DNAH11: variants seen among roughly 807,000 people sequenced by gnomAD.
DNAH11 encodes the protein dynein axonemal heavy chain 11.
Under a neutral mutation model 526.0 loss-of-function variants are expected in DNAH11, and 442 were observed. The observed-to-expected ratio is 0.84, with a 90% CI of 0.78 to 0.91. The LOEUF (loss-of-function observed/expected upper bound fraction) is 0.91, where lower values mean the gene tolerates loss of function less well. DNAH11 is among the 40% of genes least tolerant of loss of function. The pLI is 0.00. For synonymous variants in DNAH11, 2,461 were observed against 1,935.9 expected, an observed-to-expected ratio of 1.27 and a Z score of -7.12; for missense variants, 6,989 against 5,448.7, an observed-to-expected ratio of 1.28 and a Z score of -8.90.
chr7:21,754,914 A>G (rs548811797), intron 54 of DNAH11, among the ~76,000 whole-genome samples: 2 of 152,304 alleles, frequency 1.3e-5, no homozygotes, highest in South Asian at 2.1e-4. Context: ...AAGAATTCCA[A>G]ATTGCTCTAT....
chr7:21,777,999 T>G (rs545625700), intron 56 of DNAH11, among the ~76,000 whole-genome samples: 1 of 152,332 alleles, frequency 6.6e-6, no homozygotes, highest in South Asian at 2.1e-4. Flanking sequence ...AATGGTAATA[T>G]TTATACTTTT....
At chr7:21,720,905 C>T in intron 44 of DNAH11, 49 bp downstream of exon 44, 1 of 1,596,034 alleles carries the variant, frequency 6.3e-7, no homozygotes, top group South Asian at 1.1e-5. Context: ...TTGTGTGGGA[C>T]AGGGTCATGG....
intron 12 of DNAH11, among the ~76,000 whole-genome samples, chr7:21,590,474 C>G (rs1784631555): frequency 1.3e-5 from 2 of 152,170 alleles, no homozygotes; most frequent in Non-Finnish European, 2.9e-5. Context: ...TACCTGGAGT[C>G]TCTCATGGCA....
At chr7:21,836,872 A>G (rs765015225) in intron 65 of DNAH11, among the ~76,000 whole-genome samples, 1 of 152,170 alleles carries the variant, frequency 6.6e-6, no homozygotes, top group Non-Finnish European at 1.5e-5. Context: ...AATATCTAGA[A>G]TATATAAGGA....
At position 21,850,407 on chromosome 7, in the gene DNAH11, C is replaced by T. The variant is rs752729574; in HGVS notation, c.10897-2060C>T. ...GAAAAAAAATTCTTCATTTTTGTTA[C>T]GTTGTTTTTTATGTCTAGCATTTCC... is the stretch of plus-strand genomic sequence containing the variant. On this transcript the variant is annotated intron_variant, in intron 66 of 81. Transcript: ENST00000409508. Among the ~76,000 whole-genome samples, 28 of 150,752 alleles carry T rather than the reference C, an allele frequency of 1.9e-4. 1 individual carries two copies. Among genetic ancestry groups the T allele is most frequent in the Middle Eastern group, 3.4e-3 (1 of 290 alleles).
intron 25 of DNAH11, among the ~76,000 whole-genome samples, chr7:21,623,815 T>A (rs1183958017): frequency 1.3e-5 from 1 of 75,404 alleles, no homozygotes; most frequent in Non-Finnish European, 2.6e-5. Context: ...GGGACTGTTG[T>A]GGGGTGGGGG....
At chr7:21,744,822 C>A (rs768123290) in intron 50 of DNAH11, 48 bp from the exon 51 acceptor site, 2 of 1,561,116 alleles carry the variant, frequency 1.3e-6, no homozygotes, top group African/African-American at 1.4e-5. Flanking sequence ...GCAGCTGGAC[C>A]TCTATGGATG....
At chr7:21,884,450 G>A (rs753477984) in intron 76 of DNAH11, 40 bp downstream of exon 76, 1 of 1,565,484 alleles carries the variant, frequency 6.4e-7, no homozygotes, top group East Asian at 2.3e-5. Context: ...AAATTTCACT[G>A]AGCAAAAAAT....
At chr7:21,581,464 A>G (rs1462437664) in intron 8 of DNAH11, among the ~76,000 whole-genome samples, 1 of 152,130 alleles carries the variant, frequency 6.6e-6, no homozygotes, top group Non-Finnish European at 1.5e-5. Context: ...TTACAACTCC[A>G]TGAAAAAACA....
At chr7:21,588,672 T>A (rs927907639) in intron 11 of DNAH11, 36 bp downstream of exon 11, 1 of 1,603,940 alleles carries the variant, frequency 6.2e-7, no homozygotes, top group Non-Finnish European at 8.5e-7. Flanking sequence ...CAAGTTATTC[T>A]AATGGTACGG....
chr7:21,703,821 A>G, intron 37 of DNAH11: 1 of 152,068 alleles, frequency 6.6e-6, no homozygotes, highest in East Asian at 1.9e-4. Context: ...TTTATTACGT[A>G]TTTTTGTACT....
chr7:21,801,281 A>G lies in DNAH11; in HGVS notation c.10165+6A>G. ...TGTCAAGGAACTTGAGGCAAGTTAA[A>G]CCTTTTCTTCCAAACATTCTAACTA... On this transcript the variant is annotated splice_donor_region_variant and intron_variant, in intron 62 of 81. Transcript: ENST00000409508. 1 of 1,613,690 alleles carries G rather than the reference A, an allele frequency of 6.2e-7. No homozygotes were observed. The highest frequency in any genetic ancestry group is 8.5e-7 in the Non-Finnish European group (1 of 1,179,796).
At chr7:21,880,954 C>A in intron 75 of DNAH11, 61 bp downstream of exon 75, 1 of 1,427,682 alleles carries the variant, frequency 7.0e-7, no homozygotes, top group Non-Finnish European at 9.4e-7. Context: ...AGTCTTTGGG[C>A]ACTATCAAAA....
rs1026368167 is a variant in DNAH11, at chr7:21,801,156, G to A, written c.10046G>A (p.Ser3349Asn). The change falls in exon 62 of 82, where the codon AGC becomes AAC. Residue 3349 changes from serine (S) to asparagine (N), a missense_variant. Transcript: ENST00000409508. Reference sequence around the variant, plus strand: ...ATTCAGGATCTGGATCGAAATCTGAGCAGACTCACGGCTTCATTTGAAAAA... The same window carrying A: ...ATTCAGGATCTGGATCGAAATCTGAACAGACTCACGGCTTCATTTGAAAAA... Reference protein sequence around the residue: ...KKLVDLDRNLSRLTASFEKAT... With the variant: ...KKLVDLDRNLNRLTASFEKAT... 6.2e-7 allele frequency: 1 copy of A among 1,610,232 alleles called. No homozygotes were observed. The highest frequency in any genetic ancestry group is 8.5e-7 in the Non-Finnish European group (1 of 1,178,064).
intron 74 of DNAH11, among the ~76,000 whole-genome samples, chr7:21,876,146 G>A (rs1783703532): frequency 6.6e-6 from 1 of 152,154 alleles, no homozygotes; most frequent in African/African-American, 2.4e-5. Flanking sequence ...GGCATCCGAA[G>A]TGCTGGGATT....
intron 56 of DNAH11, among the ~76,000 whole-genome samples, chr7:21,774,451 C>T (rs947765670): frequency 6.6e-6 from 1 of 152,088 alleles, no homozygotes; most frequent in Non-Finnish European, 1.5e-5. Flanking sequence ...GACTTGTCTG[C>T]TCCTCTTACA....
intron 65 of DNAH11, among the ~76,000 whole-genome samples, chr7:21,819,163 C>T (rs997655687): frequency 1.3e-5 from 2 of 152,144 alleles, no homozygotes; most frequent in African/African-American, 4.8e-5. Flanking sequence ...CCTTCCCTCT[C>T]TTCTTTTTTT....
At chr7:21,885,061 T>C (rs1784074232) in intron 76 of DNAH11, among the ~76,000 whole-genome samples, 1 of 147,856 alleles carries the variant, frequency 6.8e-6, no homozygotes, top group African/African-American at 2.5e-5. Context: ...TAATTATTAT[T>C]TGTCAATTTA....
At chr7:21,610,435 T>G (rs1785474348) in intron 20 of DNAH11, among the ~76,000 whole-genome samples, 1 of 152,040 alleles carries the variant, frequency 6.6e-6, no homozygotes, top group Non-Finnish European at 1.5e-5. Flanking sequence ...AAATCATCTC[T>G]GGAAAAAAGC....
Sources: gnomAD v4.1 joint callset for allele counts (sites outside exome capture counted in the v4.1 genomes callset) on GRCh38, gnomAD v4.1.1 for gene constraint, MANE v1.5 for transcripts, NCBI Gene and HGNC (gene_info 2026-07-23, HGNC 2026-07-21) for gene names.